Variants in KAT8 observed in about 807,000 individuals in gnomAD.
The protein encoded by KAT8 is lysine acetyltransferase 8.
KAT8 carries 40 observed loss-of-function variants against 62.9 expected under a neutral mutation model. The observed-to-expected ratio is 0.64, with a 90% confidence interval of 0.49 to 0.83. The LOEUF (loss-of-function observed/expected upper bound fraction) is 0.83, where lower values mean the gene tolerates loss of function less well. Ranked by LOEUF, KAT8 falls within the 40% of genes least tolerant of loss-of-function variation. The probability of loss-of-function intolerance (pLI) is 0.00; values close to 1 mark genes in which losing one functional copy is unlikely to be tolerated. For synonymous variants in KAT8, 278 were observed against 254.5 expected (o/e 1.09, Z -0.88); for missense variants, 387 against 614.8 (o/e 0.63, Z 3.92).
chr16:31,131,062 C>T lies in KAT8; in HGVS notation c.1313-133C>T, dbSNP rs189182463. 2.7e-4 allele frequency: 414 copies of T among 1,506,834 alleles called. 5 individuals carry two copies. Among genetic ancestry groups the T allele is most frequent in the Non-Finnish European group, 1.2e-5 (14 of 1,124,656 alleles). 93.3% of individuals were successfully genotyped at this position (1,506,834 alleles called of 1,614,324 possible). On this transcript the variant is annotated intron_variant, in intron 10 of 10. Coordinates refer to ENST00000219797, the MANE Select transcript of KAT8 (RefSeq NM_032188.3). ...GCCTCTCATTCCTGGGCTTCCCTACCCCTCCCCAGCACAGCCTGCCCTTTT... is the reference window on the plus strand; with the variant it reads ...GCCTCTCATTCCTGGGCTTCCCTACTCCTCCCCAGCACAGCCTGCCCTTTT...
intron 1 of KAT8, 110 bp downstream of exon 1, chr16:31,118,002 A>C (rs942641165): frequency 1.1e-5 from 9 of 828,114 alleles, no homozygotes; most frequent in Non-Finnish European, 1.3e-5. Context: ...CTGGGAGTGG[A>C]GAGGAGGAGG....
intron 1 of KAT8, 86 bp downstream of exon 1, chr16:31,117,978 C>T (rs2057461956): frequency 9.5e-7 from 1 of 1,051,360 alleles, no homozygotes; most frequent in Non-Finnish European, 1.2e-6. Flanking sequence ...GTCAGTGAGG[C>T]CAAGATCCGG....
chr16:31,120,217 C>T lies in KAT8; in HGVS notation c.243C>T (p.Asn81=), dbSNP rs368955473. Reference sequence around the variant, plus strand: ...CTGAAGTGATCCAGTCTCGAGTGAACGACCAGGAGGGCCGAGAGGAATTCT... The same window carrying T: ...CTGAAGTGATCCAGTCTCGAGTGAATGACCAGGAGGGCCGAGAGGAATTCT... ...HSAEVIQSRV[N]DQEGREEFYV... The change falls in exon 2 of 11, where the codon AAC becomes AAT. Residue 81 remains asparagine (N), a synonymous_variant. Transcript: ENST00000219797. 49 of 1,614,048 alleles carry T rather than the reference C, an allele frequency of 3.0e-5. No individual in the cohort carries two copies. In the Middle Eastern group the frequency reaches 1.3e-3, roughly 43 times the overall value.
chr16:31,130,923 T>TGG, intron 10 of KAT8, 23 bp downstream of exon 10: 1 of 1,571,550 alleles, frequency 6.4e-7, no homozygotes, highest in Admixed American at 1.8e-5. Context: ...CTGCTGTGTG[T>TGG]CGGGGGCGGT....
At chr16:31,124,102 A>G (rs1187791868) in intron 3 of KAT8, 1 of 152,258 alleles carries the variant, frequency 6.6e-6, no homozygotes, top group Non-Finnish European at 1.5e-5. Flanking sequence ...TTTGCAGAAG[A>G]GTACTGTATT....
chr16:31,123,766 C>T (rs1480195227), intron 3 of KAT8: 1 of 152,254 alleles, frequency 6.6e-6, no homozygotes, highest in Non-Finnish European at 1.5e-5. Flanking sequence ...CCCACCTCGG[C>T]CTCTCAAAGT....
In KAT8 at chr16:31,117,796, G is replaced by GA; in HGVS notation, c.115_116insA (p.Gly39GlufsTer30). The GA allele has an allele frequency of 5.6e-6, 8 of 1,424,916 alleles. No homozygotes were observed. The highest frequency in any genetic ancestry group is 7.4e-6 in the Non-Finnish European group (8 of 1,079,426). 88.3% of individuals were successfully genotyped at this position (1,424,916 alleles called of 1,614,324 possible). A position where few individuals can be genotyped will look rare whatever the true frequency, so the allele number is the denominator to read the frequency against. The stretch of plus-strand genomic sequence containing the variant: ...CGCTGAGGGGACCGCCCCATCCCCG[G>GA]GCCGCGTCTCTCCGCCGACCCCGGC... On this transcript the variant is annotated frameshift_variant, in exon 1 of 11. Coordinates refer to ENST00000219797, the MANE Select transcript of KAT8 (RefSeq NM_032188.3). LOFTEE classifies it high-confidence loss of function.
Position 31,130,896 on chromosome 16 carries a change from C to G in KAT8, c.1308C>G (p.Ile436Met), listed in dbSNP as rs770450270. ...GTGCCCAGTATAAGAAACCACCCAT[C>G]ACAGGTGGGTGGGGGGCTGCTGTGT... ...LKSAQYKKPP[I>M]TVDSVCLKWA... The change falls in exon 10 of 11, where the codon ATC (isoleucine) becomes ATG (methionine). Residue 436 changes from isoleucine (I) to methionine (M), a missense_variant. By Grantham distance (10) the Ile-to-Met change is conservative. Around this residue, in one of 6 missense-constraint regions of KAT8, gnomAD observed 75 missense variants for 105.7 expected, o/e 0.71. Coordinates refer to ENST00000219797, the MANE Select transcript of KAT8 (RefSeq NM_032188.3). 1.1e-5 allele frequency: 18 copies of G among 1,610,972 alleles called. No individual in the cohort carries two copies. Among genetic ancestry groups the G allele is most frequent in the African/African-American group, 1.3e-5 (1 of 74,736 alleles).
Position 31,127,365 on chromosome 16 carries a change from C to T in KAT8, c.681+12C>T, listed in dbSNP as rs1323685199. 1 of 1,613,314 alleles carries T rather than the reference C, an allele frequency of 6.2e-7. No individual in the cohort carries two copies. The highest frequency in any genetic ancestry group is 2.2e-5 in the East Asian group (1 of 44,882). On this transcript the variant is annotated intron_variant, in intron 5 of 10. Coordinates refer to ENST00000219797, the MANE Select transcript of KAT8 (RefSeq NM_032188.3). ...ACCGCTTCCACTTGGTGAGGCTGGG[C>T]CGGCCGGGCCGAGCTGGGCAGGGGC...
At chr16:31,124,731 C>CAAA (rs551229166) in intron 3 of KAT8, among the ~76,000 whole-genome samples, 10 of 61,080 alleles carry the variant, frequency 1.6e-4, no homozygotes, top group East Asian at 1.1e-3. Context: ...GGCTCCATTT[C>CAAA]AAAAAAAAAA....
Position 31,126,645 on chromosome 16 carries a change from G to A in KAT8, c.463-390G>A, listed in dbSNP as rs1182061151. On this transcript the variant is annotated intron_variant, in intron 3 of 10. Coordinates refer to ENST00000219797, the MANE Select transcript of KAT8 (RefSeq NM_032188.3). ...TCTGGTCCTCAGGAAAGGGGTCCAG[G>A]AACATCGGGGAGGTAGTAACAGTTC... 10 of 226,332 alleles carry A rather than the reference G, an allele frequency of 4.4e-5. No individual in the cohort carries two copies. In the East Asian group the frequency reaches 1.1e-3, roughly 26 times the overall value. 14.0% of individuals were successfully genotyped at this position (226,332 alleles called of 1,614,324 possible).
At position 31,120,401 on chromosome 16, in the gene KAT8, G is replaced by C; in HGVS notation, c.349G>C (p.Asp117His). 1 of 1,614,090 alleles carries C rather than the reference G, an allele frequency of 6.2e-7. No homozygotes were observed. Among genetic ancestry groups the C allele is most frequent in the Non-Finnish European group, 8.5e-7 (1 of 1,180,006 alleles). Residue 117 changes from aspartate (D) to histidine (H), a missense_variant, in exon 3 of 11, where the codon GAT becomes CAT. Physicochemically the swap from Asp to His is moderately conservative, Grantham distance 81. Around this residue, in one of 6 missense-constraint regions of KAT8, gnomAD observed 69 missense variants for 127.0 expected, o/e 0.54. Coordinates refer to ENST00000219797, the MANE Select transcript of KAT8 (RefSeq NM_032188.3). ...GCTGGCGCTGACCAAGACAGTGAAG[G>C]ATGCTGTACAGAAGAACTCAGAGAA... ...NRLALTKTVK[D>H]AVQKNSEKYL...
Position 31,129,981 on chromosome 16 carries a change from G to GC in KAT8, c.772-31dup, listed in dbSNP as rs766250521. The GC allele has an allele frequency of 4.3e-6, 7 of 1,610,842 alleles. No homozygotes were observed. In the South Asian group the frequency reaches 7.7e-5, roughly 18 times the overall value. On this transcript the variant is annotated intron_variant, in intron 6 of 10. Transcript: ENST00000219797. ...AACCAGCTGGGTGGGGCCTGTGCCTGCCCCCTGAGCCTGTCTCCCCCCTCC... is the reference window on the plus strand; with the variant it reads ...AACCAGCTGGGTGGGGCCTGTGCCTGCCCCCCTGAGCCTGTCTCCCCCCTCC...
chr16:31,122,878 CA>C (rs1002933577), intron 3 of KAT8, among the ~76,000 whole-genome samples: 35 of 135,530 alleles, frequency 2.6e-4, no homozygotes, highest in Non-Finnish European at 2.5e-4. Context: ...GACTCCGTCT[CA>C]AAAAAAAAAA....
At chr16:31,118,737 C>G (rs1488766740) in intron 1 of KAT8, 1 of 152,150 alleles carries the variant, frequency 6.6e-6, no homozygotes, top group Non-Finnish European at 1.5e-5. Flanking sequence ...GTCCTCTGTA[C>G]CCGGCAACAA....
At chr16:31,129,932 G>A (rs544091153) in intron 6 of KAT8, 85 bp from the exon 7 acceptor site, 50 of 1,481,814 alleles carry the variant, frequency 3.4e-5, no homozygotes, top group African/African-American at 7.1e-5. Context: ...CGCCCACTTC[G>A]CGTGGGCTGG....
intron 3 of KAT8, among the ~76,000 whole-genome samples, chr16:31,121,420 C>G (rs2057492602): frequency 6.6e-6 from 1 of 151,508 alleles, no homozygotes; most frequent in African/African-American, 2.4e-5. Context: ...TGCGCCCGGC[C>G]TAAGCTAAGT....
intron 6 of KAT8, among the ~76,000 whole-genome samples, chr16:31,129,740 A>G (rs1393585949): frequency 6.6e-6 from 1 of 152,220 alleles, no homozygotes; most frequent in African/African-American, 2.4e-5. Context: ...GTCTGTGAAG[A>G]CTGAAGCAGA....
chr16:31,130,426 A>T, intron 8 of KAT8, 30 bp from the exon 9 acceptor site: 1 of 1,614,032 alleles, frequency 6.2e-7, no homozygotes, highest in Non-Finnish European at 8.5e-7. Context: ...GGCAGGCTGG[A>T]TCCTAAGTTC....
Sources: allele counts gnomAD v4.1 joint callset (sites outside exome capture counted in the v4.1 genomes callset), GRCh38; gene constraint gnomAD v4.1.1; regional missense constraint gnomAD v4.1.1; transcripts MANE v1.5; gene names NCBI Gene and HGNC (gene_info 2026-07-23, HGNC 2026-07-21).